Variants in COL3A1 observed in about 807,000 individuals in gnomAD.
COL3A1 encodes the protein collagen alpha-1(III) chain.
Under a neutral mutation model 200.9 loss-of-function variants are expected in COL3A1, and 46 were observed. That is an observed-to-expected ratio of 0.23 (90% CI 0.18 to 0.29). The LOEUF (loss-of-function observed/expected upper bound fraction) is 0.29, where lower values mean the gene tolerates loss of function less well. Among genes scored for constraint, COL3A1 ranks in the 10% least tolerant of loss-of-function variants. The pLI, the probability that COL3A1 is intolerant of heterozygous loss-of-function variation, is 1.00. For synonymous variants in COL3A1, 650 were observed against 628.0 expected, an observed-to-expected ratio of 1.03 and a Z score of -0.52; for missense variants, 1,367 against 1,917.6, an observed-to-expected ratio of 0.71 and a Z score of 5.36.
chr2:188,999,919 G>A (rs1382455244), intron 32 of COL3A1, 24 bp downstream of exon 32: 1 of 1,575,490 alleles, frequency 6.3e-7, no homozygotes. Flanking sequence ...GTGAGGAGAA[G>A]CAGGCCTTAT....
chr2:189,002,022 T>C (rs1443060551), intron 34 of COL3A1, among the ~76,000 whole-genome samples: 2 of 152,184 alleles, frequency 1.3e-5, no homozygotes, highest in African/African-American at 4.8e-5. Flanking sequence ...TTGAAATACA[T>C]AAATATCTAT....
At chr2:188,999,654 T>C in intron 31 of COL3A1, 77 bp downstream of exon 31, 2 of 1,450,854 alleles carry the variant, frequency 1.4e-6, no homozygotes, top group Admixed American at 1.8e-5. Flanking sequence ...TCCTGGAAAG[T>C]AATCGACTGT....
At chr2:189,010,036 C>G in intron 48 of COL3A1, 142 bp from the exon 49 acceptor site, 2 of 772,672 alleles carry the variant, frequency 2.6e-6, no homozygotes, top group Admixed American at 2.4e-5. Context: ...CAATTTCAAT[C>G]AAAAAGCTTC....
At chr2:188,978,879 A>G (rs1036800776) in intron 1 of COL3A1, among the ~76,000 whole-genome samples, 1 of 151,938 alleles carries the variant, frequency 6.6e-6, no homozygotes, top group East Asian at 1.9e-4. Flanking sequence ...CTATTCTTAC[A>G]TAAATCATTT....
intron 41 of COL3A1, 70 bp downstream of exon 41, chr2:189,005,527 G>A: frequency 7.9e-7 from 1 of 1,273,046 alleles, no homozygotes; most frequent in Non-Finnish European, 1.1e-6. Context: ...GTGAAATTGA[G>A]CTTTAATGTC....
Position 189,010,308 on chromosome 2 carries a change from T to C in COL3A1, c.3954T>C (p.Asp1318=). Residue 1318 remains aspartate, a synonymous_variant, in exon 49 of 51, where the codon GAT becomes GAC. Transcript: ENST00000304636. ...LNVPRKHWWT[D]SSAEKKHVWF... ...TTCCACGGAAACACTGGTGGACAGA[T>C]TCTAGTGCTGAGAAGAAACACGTTT... is the stretch of plus-strand genomic sequence containing the variant. The C allele has an allele frequency of 3.7e-6, 6 of 1,614,180 alleles. No homozygotes were observed. The highest frequency in any genetic ancestry group is 5.1e-6 in the Non-Finnish European group (6 of 1,180,012).
Position 188,999,548 on chromosome 2 carries a change from C to T in COL3A1, c.2200C>T (p.Leu734Phe), listed in dbSNP as rs761115233. 1.2e-5 allele frequency: 19 copies of T among 1,613,776 alleles called. No homozygotes were observed. Among genetic ancestry groups the T allele is most frequent in the Non-Finnish European group, 1.6e-5 (19 of 1,180,028 alleles). Reference sequence around the variant, plus strand: ...AGGAATGCCTGGAGAAAGAGGAGGTCTTGGAAGTCCTGGTCCAAAGGGTGA... The same window carrying T: ...AGGAATGCCTGGAGAAAGAGGAGGTTTTGGAAGTCCTGGTCCAAAGGGTGA... ...LQGMPGERGG[L>F]GSPGPKGDKG... Residue 734 changes from leucine (L) to phenylalanine (F), a missense_variant, in exon 31 of 51, where the codon CTT becomes TTT. By Grantham distance (22) the Leu-to-Phe change is conservative. This residue lies in a region of COL3A1 where 846 missense variants were observed against 1,147.9 expected (regional missense o/e 0.74). Transcript: ENST00000304636.
chr2:189,002,970 C>A lies in COL3A1; in HGVS notation c.2461C>A (p.Pro821Thr), dbSNP rs1296092212. 6 of 1,551,444 alleles carry A rather than the reference C, an allele frequency of 3.9e-6. No homozygotes were observed. The East Asian group carries it at 1.2e-4, about 32-fold the overall frequency. ...FPGAPGQNGE[P>T]GGKGERGAPG... is the part of the protein sequence containing the mutation. ...TTGCATGTAGGGACAGAATGGTGAACCTGGTGGTAAAGGAGAAAGAGGGGC... is the reference window on the plus strand; with the variant it reads ...TTGCATGTAGGGACAGAATGGTGAAACTGGTGGTAAAGGAGAAAGAGGGGC... Residue 821 changes from proline to threonine, a missense_variant, in exon 36 of 51, where the codon CCT becomes ACT. This residue lies in a region of COL3A1 where 846 missense variants were observed against 1,147.9 expected (regional missense o/e 0.74). Coordinates refer to ENST00000304636, the MANE Select transcript of COL3A1 (RefSeq NM_000090.4).
Position 189,010,903 on chromosome 2 carries a change from T to G in COL3A1, c.4254+13T>G. The G allele has an allele frequency of 1.2e-6, 2 of 1,614,046 alleles. No homozygotes were observed. Among genetic ancestry groups the G allele is most frequent in the Non-Finnish European group, 1.7e-6 (2 of 1,179,910 alleles). ...GGATGGTTGCACGGTAGGAAACATT[T>G]TTCTCAATATAGGTCATAAAGCAGT... On this transcript the variant is annotated intron_variant, in intron 50 of 50. Coordinates refer to ENST00000304636, the MANE Select transcript of COL3A1 (RefSeq NM_000090.4).
intron 32 of COL3A1, 142 bp downstream of exon 32, chr2:189,000,037 T>C (rs1688422435): frequency 2.4e-6 from 2 of 843,488 alleles, no homozygotes; most frequent in Non-Finnish European, 3.9e-6. Flanking sequence ...ACTTGATTTA[T>C]AATGAAATTT....
intron 43 of COL3A1, 108 bp from the exon 44 acceptor site, chr2:189,006,829 A>G: frequency 8.9e-7 from 1 of 1,119,610 alleles, no homozygotes. Context: ...AATTGCATGC[A>G]TACTATAATT....
chr2:188,993,701 T>C (rs1688236124), intron 16 of COL3A1, among the ~76,000 whole-genome samples: 1 of 152,204 alleles, frequency 6.6e-6, no homozygotes, highest in Non-Finnish European at 1.5e-5. Context: ...TTTATGTTTA[T>C]ATAAAAGAAT....
In COL3A1 at chr2:189,012,599, A is replaced by C. The variant is rs1688751813; in HGVS notation, c.*825A>C. On this transcript the variant is annotated 3_prime_UTR_variant, in exon 51 of 51. Transcript: ENST00000304636. ...GGGGATTCTCCTCCTTCATCCTGTA[A>C]AGGTCAACAATAAAAACCAAATTAT... 1 of 152,552 alleles carries C rather than the reference A, an allele frequency of 6.6e-6. No individual in the cohort carries two copies. The highest frequency in any genetic ancestry group is 1.5e-5 in the Non-Finnish European group (1 of 67,998). The allele number at this position is 152,552 out of a possible 1,614,324, so 9.4% of individuals were successfully genotyped here. A position where few individuals can be genotyped will look rare whatever the true frequency, so the allele number is the denominator to read the frequency against.
chr2:189,008,991 G>C lies in COL3A1; in HGVS notation c.3593G>C (p.Gly1198Ala), dbSNP rs756858564. The change falls in exon 48 of 51, where the codon GGT becomes GCT. Residue 1198 changes from glycine (G) to alanine (A), a missense_variant. By Grantham distance (60) the Gly-to-Ala change is moderately conservative. Transcript: ENST00000304636. ...CCTGGTGCCCCTGGTCCTTGCTGTGGTGGTGTTGGAGCCGCTGCCATTGCT... is the reference window on the plus strand; with the variant it reads ...CCTGGTGCCCCTGGTCCTTGCTGTGCTGGTGTTGGAGCCGCTGCCATTGCT... ...GPPGAPGPCC[G>A]GVGAAAIAGI... 1 of 1,614,178 alleles carries C rather than the reference G, an allele frequency of 6.2e-7. No individual in the cohort carries two copies. Among genetic ancestry groups the C allele is most frequent in the South Asian group, 1.1e-5 (1 of 91,088 alleles).
At position 189,010,724 on chromosome 2, in the gene COL3A1, G is replaced by A. The variant is rs1227282800; in HGVS notation, c.4088G>A (p.Arg1363Gln). 5.0e-6 allele frequency: 8 copies of A among 1,614,054 alleles called. No individual in the cohort carries two copies. The highest frequency in any genetic ancestry group is 2.2e-5 in the South Asian group (2 of 91,078). ...HLAFLRLLSSRASQNITYHCK... is the reference protein window; with the variant it reads ...HLAFLRLLSSQASQNITYHCK... Reference sequence around the variant, plus strand: ...GCATTCCTTCGACTTCTCTCCAGCCGAGCTTCCCAGAACATCACATATCAC... The same window carrying A: ...GCATTCCTTCGACTTCTCTCCAGCCAAGCTTCCCAGAACATCACATATCAC... Residue 1363 changes from arginine (R) to glutamine (Q), a missense_variant, in exon 50 of 51, where the codon CGA becomes CAA. By Grantham distance (43) the Arg-to-Gln change is conservative. This residue lies in a region of COL3A1 where 846 missense variants were observed against 1,147.9 expected (regional missense o/e 0.74). Transcript: ENST00000304636.
In COL3A1 at chr2:189,011,953, C is replaced by A; in HGVS notation, c.*179C>A. ...TACTTCTCTTTTTTTGCTGTTCCACCAAATACAATTCAAATGCTTTTTGTT... is the reference window on the plus strand; with the variant it reads ...TACTTCTCTTTTTTTGCTGTTCCACAAAATACAATTCAAATGCTTTTTGTT... On this transcript the variant is annotated 3_prime_UTR_variant, in exon 51 of 51. Transcript: ENST00000304636. 1.5e-6 allele frequency: 1 copy of A among 664,394 alleles called. No homozygotes were observed. Among genetic ancestry groups the A allele is most frequent in the Non-Finnish European group, 2.5e-6 (1 of 393,160 alleles). The allele number at this position is 664,394 out of a possible 1,614,324, so 41.2% of individuals were successfully genotyped here. A position where few individuals can be genotyped will look rare whatever the true frequency, so the allele number is the denominator to read the frequency against.
In COL3A1 at chr2:189,008,007, G is replaced by A. The variant is rs562754300; in HGVS notation, c.3418-28G>A. ...GTCTGCATTTCAGAAAGATATTCTG[G>A]CATTGTGATGTCATGATACTTTCTT... On this transcript the variant is annotated intron_variant, in intron 46 of 50. Coordinates refer to ENST00000304636, the MANE Select transcript of COL3A1 (RefSeq NM_000090.4). 30 of 1,613,772 alleles carry A rather than the reference G, an allele frequency of 1.9e-5. No individual in the cohort carries two copies. In the African/African-American group the frequency reaches 2.1e-4, roughly 11 times the overall value.
chr2:188,989,632 A>G (rs1186440882), intron 8 of COL3A1, among the ~76,000 whole-genome samples, 183 bp downstream of exon 8: 1 of 152,186 alleles, frequency 6.6e-6, no homozygotes, highest in Non-Finnish European at 1.5e-5. Context: ...TTCTATATAT[A>G]TCATTTGTTG....
In COL3A1 at chr2:188,994,798, T is replaced by G; in HGVS notation, c.1422T>G (p.Gly474=). 2 of 1,613,566 alleles carry G rather than the reference T, an allele frequency of 1.2e-6. No homozygotes were observed. The highest frequency in any genetic ancestry group is 1.7e-6 in the Non-Finnish European group (2 of 1,179,946). ...DGKDGSPGEP[G]ANGLPGAAGE... ...AGGATGGATCACCTGGAGAACCTGG[T>G]GCAAATGGGCTTCCAGGAGCTGCAG... Residue 474 remains glycine (G), a synonymous_variant, in exon 20 of 51, where the codon GGT becomes GGG. Coordinates refer to ENST00000304636, the MANE Select transcript of COL3A1 (RefSeq NM_000090.4). This position sits in a 1 kb window ranked among gnomAD's most constrained non-coding sequence, Gnocchi z 4.5.
Sources: gnomAD v4.1 joint callset for allele counts (sites outside exome capture counted in the v4.1 genomes callset) on GRCh38, gnomAD v4.1.1 for gene constraint, gnomAD v4.1.1 regional missense constraint, Gnocchi (gnomAD v3.1) non-coding constraint, MANE v1.5 for transcripts, NCBI Gene and HGNC (gene_info 2026-07-23, HGNC 2026-07-21) for gene names.